TRIM22: variants seen among roughly 807,000 people sequenced by gnomAD.
TRIM22 encodes the protein E3 ubiquitin-protein ligase TRIM22.
Under a neutral mutation model 53.6 loss-of-function variants are expected in TRIM22, and 45 were observed. The ratio of observed to expected loss-of-function variants is 0.84; its 90% CI spans 0.66 to 1.08. The LOEUF is 1.08. Ranked by LOEUF, TRIM22 falls within the 50% of genes least tolerant of loss-of-function variation. The pLI is 0.00. For missense variants in TRIM22, 616 were observed against 590.9 expected (o/e 1.04, Z -0.44); for synonymous variants, 225 against 216.6 (o/e 1.04, Z -0.34).
intron 4 of TRIM22, among the ~76,000 whole-genome samples, chr11:5,700,279 A>AT (rs1033844180): frequency 5.3e-5 from 8 of 151,510 alleles, no homozygotes; most frequent in African/African-American, 1.5e-4. Flanking sequence ...ACCTGGCTAC[A>AT]TTTTTTTTGT....
chr11:5,706,965 A>T (rs1393398476), intron 5 of TRIM22, among the ~76,000 whole-genome samples: 1 of 152,118 alleles, frequency 6.6e-6, no homozygotes, highest in Non-Finnish European at 1.5e-5. Context: ...CCAGACTCCA[A>T]ATTTTTCAGA....
At chr11:5,707,498 A>C (rs1329451738) in intron 5 of TRIM22, among the ~76,000 whole-genome samples, 1 of 152,168 alleles carries the variant, frequency 6.6e-6, no homozygotes, top group East Asian at 1.9e-4. Flanking sequence ...AGTTTTTTAG[A>C]GGCACTGAAT....
intron 4 of TRIM22, among the ~76,000 whole-genome samples, chr11:5,704,885 AGAG>A (rs1853435179): frequency 6.6e-6 from 1 of 152,210 alleles, no homozygotes; most frequent in Non-Finnish European, 1.5e-5. Flanking sequence ...ATAAGGGTGA[AGAG>A]GTGGCAGAGA....
intron 1 of TRIM22, among the ~76,000 whole-genome samples, chr11:5,693,591 C>T (rs1319049982): frequency 6.6e-6 from 1 of 151,604 alleles, no homozygotes; most frequent in African/African-American, 2.4e-5. Context: ...GGTGTGGTGG[C>T]GGGCGCCTGT....
chr11:5,708,587 T>C lies in TRIM22; in HGVS notation c.885T>C (p.Asp295=). The part of the protein sequence containing the change: ...GMLQVLKELT[D]VQYYWVDVML... ...CTTTTGTCGTTTCAGAGCTGACAGATGTCCAGTACTACTGGGGTAAGATGA... is the reference window on the plus strand; with the variant it reads ...CTTTTGTCGTTTCAGAGCTGACAGACGTCCAGTACTACTGGGGTAAGATGA... Residue 295 remains aspartate (D), a synonymous_variant, in exon 7 of 8, where the codon GAT becomes GAC. Coordinates refer to ENST00000379965, the MANE Select transcript of TRIM22 (RefSeq NM_006074.5). 1.2e-6 allele frequency: 2 copies of C among 1,607,776 alleles called. No homozygotes were observed. Among genetic ancestry groups the C allele is most frequent in the East Asian group, 2.2e-5 (1 of 44,852 alleles).
In TRIM22 at chr11:5,700,584, C is replaced by CTTTTT. The variant is rs756680023; in HGVS notation, c.750+2056_750+2060dup. Among the ~76,000 whole-genome samples the CTTTTT allele has an allele frequency of 6.2e-3, 185 of 29,870 alleles. 12 individuals are homozygous for CTTTTT. The highest frequency in any genetic ancestry group is 8.4e-3 in the African/African-American group (65 of 7,736). The allele number at this position is 29,870 out of a possible 152,430, so 19.6% of individuals were successfully genotyped here. On this transcript the variant is annotated intron_variant, in intron 4 of 7. Transcript: ENST00000379965. The stretch of plus-strand genomic sequence containing the variant: ...TAAGTATGATGTTAGCTATAGGAGT[C>CTTTTT]TTTTTTTTTTTTTTTTTTTTTCAGA...
At chr11:5,707,706 G>A (rs1853482992) in intron 5 of TRIM22, among the ~76,000 whole-genome samples, 1 of 152,066 alleles carries the variant, frequency 6.6e-6, no homozygotes, top group African/African-American at 2.4e-5. Flanking sequence ...CAGCTACTTG[G>A]GAGGCTGAGG....
In TRIM22 at chr11:5,700,626, GA is replaced by G. The variant is rs1420399102; in HGVS notation, c.750+2084del. Among the ~76,000 whole-genome samples the G allele has an allele frequency of 1.1e-3, 78 of 72,344 alleles. 1 individual carries two copies. Among genetic ancestry groups the G allele is most frequent in the African/African-American group, 4.2e-3 (71 of 16,720 alleles). 47.5% of individuals were successfully genotyped at this position (72,344 alleles called of 152,430 possible). A position where few individuals can be genotyped will look rare whatever the true frequency, so the allele number is the denominator to read the frequency against. ...TTTTTCAGATTTGTAATGAAGTTGA[GA>G]AACTTCCTCTTTTTTTCTTTTTTTT... On this transcript the variant is annotated intron_variant, in intron 4 of 7. Coordinates refer to ENST00000379965, the MANE Select transcript of TRIM22 (RefSeq NM_006074.5).
At chr11:5,700,041 T>C (rs919638389) in intron 4 of TRIM22, among the ~76,000 whole-genome samples, 13 of 152,222 alleles carry the variant, frequency 8.5e-5, no homozygotes, top group African/African-American at 2.9e-4. Context: ...TGTCAATTCT[T>C]TGGCATTTTC....
intron 3 of TRIM22, chr11:5,698,056 C>T: frequency 2.4e-6 from 1 of 409,904 alleles, no homozygotes; most frequent in Non-Finnish European, 4.6e-6. Context: ...CAGGTGTCTA[C>T]AATCCAAGCC....
chr11:5,695,020 A>G (rs1474442896), intron 1 of TRIM22, among the ~76,000 whole-genome samples: 1 of 152,210 alleles, frequency 6.6e-6, no homozygotes, highest in Non-Finnish European at 1.5e-5. Flanking sequence ...GTGGCTTTAT[A>G]TATTCGTTAA....
chr11:5,710,339 T>C lies in TRIM22; in HGVS notation c.*691T>C, dbSNP rs1318109649. ...AAGAACAGTATTGCTGTAATTCCTT[T>C]TCTTTTCTTCCTCATTTCCTCTGCC... On this transcript the variant is annotated 3_prime_UTR_variant, in exon 8 of 8. Coordinates refer to ENST00000379965, the MANE Select transcript of TRIM22 (RefSeq NM_006074.5). The C allele has an allele frequency of 6.6e-6, 1 of 152,218 alleles. No homozygotes were observed. The highest frequency in any genetic ancestry group is 1.5e-5 in the Non-Finnish European group (1 of 68,030). 9.4% of individuals were successfully genotyped at this position (152,218 alleles called of 1,614,324 possible). A position where few individuals can be genotyped will look rare whatever the true frequency, so the allele number is the denominator to read the frequency against.
chr11:5,698,556 G>A lies in TRIM22; in HGVS notation c.750+11G>A, dbSNP rs368562409. On this transcript the variant is annotated intron_variant, in intron 4 of 7. Transcript: ENST00000379965. ...GTAGAGATGCTGCAGGTAAGACTTG[G>A]GATGGAGCACCTACGTAAGAGATTA... is the stretch of plus-strand genomic sequence containing the variant. The A allele has an allele frequency of 2.7e-5, 44 of 1,603,088 alleles. No homozygotes were observed. Among genetic ancestry groups the A allele is most frequent in the Non-Finnish European group, 3.8e-5 (44 of 1,172,022 alleles).
chr11:5,701,167 T>G (rs961842536), intron 4 of TRIM22, among the ~76,000 whole-genome samples: 1 of 152,174 alleles, frequency 6.6e-6, no homozygotes, highest in Non-Finnish European at 1.5e-5. Context: ...GGTTTTCCTT[T>G]CTCATAATGT....
intron 1 of TRIM22, among the ~76,000 whole-genome samples, chr11:5,690,323 T>TA (rs1853152918): frequency 6.6e-6 from 1 of 152,210 alleles, no homozygotes; most frequent in African/African-American, 2.4e-5. Flanking sequence ...AGAAAGTTTT[T>TA]ATTCCTGACG....
chr11:5,694,378 A>G (rs1590311560), intron 1 of TRIM22, among the ~76,000 whole-genome samples: 1 of 152,208 alleles, frequency 6.6e-6, no homozygotes, highest in Admixed American at 6.5e-5. Context: ...TTAGGTTCCT[A>G]TCACCATCCT....
At chr11:5,696,707 A>G in intron 2 of TRIM22, 52 bp downstream of exon 2, 1 of 1,534,264 alleles carries the variant, frequency 6.5e-7, no homozygotes. Flanking sequence ...ATGGTACCTA[A>G]TGTGAAATCT....
chr11:5,691,376 A>T (rs535072369), intron 1 of TRIM22, among the ~76,000 whole-genome samples: 2 of 152,172 alleles, frequency 1.3e-5, no homozygotes, highest in South Asian at 2.1e-4. Flanking sequence ...GATCGGAACA[A>T]AACAGAGTAG....
At position 5,708,552 on chromosome 11, in the gene TRIM22, A is replaced by G. The variant is rs753203905; in HGVS notation, c.875-25A>G. On this transcript the variant is annotated intron_variant, in intron 6 of 7. Coordinates refer to ENST00000379965, the MANE Select transcript of TRIM22 (RefSeq NM_006074.5). The stretch of plus-strand genomic sequence containing the variant: ...TACTTACTTATTTGCTTCTAACAAC[A>G]TCACTGAAACTTTTGTCGTTTCAGA... 8.8e-6 allele frequency: 14 copies of G among 1,597,582 alleles called. No homozygotes were observed. The South Asian group carries it at 1.5e-4, about 17-fold the overall frequency.
Sources: gnomAD v4.1 joint callset for allele counts (sites outside exome capture counted in the v4.1 genomes callset) on GRCh38, gnomAD v4.1.1 for gene constraint, MANE v1.5 for transcripts, NCBI Gene and HGNC (gene_info 2026-07-23, HGNC 2026-07-21) for gene names.